ASB18: variants seen among roughly 807,000 people sequenced by gnomAD.
ASB18 encodes the protein ankyrin repeat and SOCS box containing 18.
In ASB18, 33 loss-of-function variants were observed where a neutral mutation model predicts 33.4. The ratio of observed to expected loss-of-function variants is 0.99; its 90% CI spans 0.75 to 1.32. The LOEUF (loss-of-function observed/expected upper bound fraction) is 1.32. Ranked by LOEUF, ASB18 falls within the 40% of genes most tolerant of loss-of-function variation. The pLI is 0.00. For missense variants in ASB18, 694 were observed against 655.5 expected, an observed-to-expected ratio of 1.06 and a Z score of -0.64; for synonymous variants, 295 against 307.6, an observed-to-expected ratio of 0.96 and a Z score of 0.43.
intron 3 of ASB18, among the ~76,000 whole-genome samples, chr2:236,233,422 G>A (rs543350732): frequency 6.6e-6 from 1 of 152,058 alleles, no homozygotes; most frequent in East Asian, 1.9e-4. Flanking sequence ...TTGCACTGGA[G>A]GTTCTAGCCA....
rs185099003 is a variant in ASB18 at position 236,244,379 on chromosome 2, C to T, written c.206-2977G>A. 2.5e-3 allele frequency among the ~76,000 whole-genome samples: 379 copies of T among 152,318 alleles called. 3 individuals carry two copies. The highest frequency in any genetic ancestry group is 8.7e-3 in the African/African-American group (363 of 41,568). On this transcript the variant is annotated intron_variant, in intron 1 of 5. Coordinates refer to ENST00000409749, the MANE Select transcript of ASB18 (RefSeq NM_212556.4). The surrounding 1 kb of genome is among the most constrained non-coding windows in gnomAD (Gnocchi z 6.1). ...GGGAGGCGGGCATAGCATAAGCCCC[C>T]ATTTGCTCACAGCCAGTGTTAGACC...
intron 4 of ASB18, among the ~76,000 whole-genome samples, chr2:236,201,687 A>ATT (rs67471309): frequency 7.0e-6 from 1 of 142,246 alleles, no homozygotes. Flanking sequence ...ACTGCACTTC[A>ATT]TTTTTTTTTT....
At chr2:236,242,685 C>T (rs979793177) in intron 1 of ASB18, among the ~76,000 whole-genome samples, 1 of 151,490 alleles carries the variant, frequency 6.6e-6, no homozygotes, top group African/African-American at 2.4e-5. Flanking sequence ...AGGCTGGTCT[C>T]AAACTCTTGA....
chr2:236,230,198 G>GA, intron 3 of ASB18, among the ~76,000 whole-genome samples: 1 of 151,580 alleles, frequency 6.6e-6, no homozygotes, highest in East Asian at 1.9e-4. Context: ...CTAAAGTGCA[G>GA]AAAAAATAAG....
chr2:236,241,432 A>C lies in ASB18; in HGVS notation c.206-30T>G. ...GACCAGGGCAGTGTGGTACTCCTGC[A>C]CCGGGGACCCTGCTCTAGCTTGAGG... On this transcript the variant is annotated intron_variant, in intron 1 of 5. Coordinates refer to ENST00000409749, the MANE Select transcript of ASB18 (RefSeq NM_212556.4). The surrounding 1 kb of genome is among the most constrained non-coding windows in gnomAD (Gnocchi z 4.2). 2 of 1,613,616 alleles carry C rather than the reference A, an allele frequency of 1.2e-6. No individual in the cohort carries two copies. The highest frequency in any genetic ancestry group is 8.5e-7 in the Non-Finnish European group (1 of 1,179,676).
chr2:236,235,670 G>A lies in ASB18; in HGVS notation c.596+2019C>T, dbSNP rs919300809. Among the ~76,000 whole-genome samples, 2 of 152,166 alleles carry A rather than the reference G, an allele frequency of 1.3e-5. No individual in the cohort carries two copies. Among genetic ancestry groups the A allele is most frequent in the African/African-American group, 4.8e-5 (2 of 41,430 alleles). ...GACATCGCTGGTGCGGATGTAAAAT[G>A]GTACAACTTTCAAAACTAGTTGGGC... On this transcript the variant is annotated intron_variant, in intron 3 of 5. Coordinates refer to ENST00000409749, the MANE Select transcript of ASB18 (RefSeq NM_212556.4). The surrounding 1 kb of genome is among the most constrained non-coding windows in gnomAD (Gnocchi z 6.2).
rs2060541584 is a variant in ASB18 at position 236,226,694 on chromosome 2, C to G, written c.596+10995G>C. ...TCTCTTCAGCAGTGTTGCAATGATT[C>G]ACAGCATTTTGTGTTTATTTTGTGC... On this transcript the variant is annotated intron_variant, in intron 3 of 5. Coordinates refer to ENST00000409749, the MANE Select transcript of ASB18 (RefSeq NM_212556.4). The surrounding 1 kb of genome is among the most constrained non-coding windows in gnomAD (Gnocchi z 4.8). 6.6e-6 allele frequency among the ~76,000 whole-genome samples: 1 copy of G among 152,204 alleles called. No homozygotes were observed. Among genetic ancestry groups the G allele is most frequent in the Non-Finnish European group, 1.5e-5 (1 of 68,024 alleles).
Position 236,225,954 on chromosome 2 carries a change from A to AGGTC in ASB18, c.597-11092_597-11089dup, listed in dbSNP as rs995918258. 6.6e-6 allele frequency among the ~76,000 whole-genome samples: 1 copy of AGGTC among 152,166 alleles called. No homozygotes were observed. The highest frequency in any genetic ancestry group is 1.5e-5 in the Non-Finnish European group (1 of 68,030). ...CAGAAAATGGAATGGCTCTGTATGTAGGTCAGCGACCCCCTCTCTACTGTG... is the reference window on the plus strand; with the variant it reads ...CAGAAAATGGAATGGCTCTGTATGTAGGTCGGTCAGCGACCCCCTCTCTACTGTG... On this transcript the variant is annotated intron_variant, in intron 3 of 5. Coordinates refer to ENST00000409749, the MANE Select transcript of ASB18 (RefSeq NM_212556.4). The surrounding 1 kb of genome is among the most constrained non-coding windows in gnomAD (Gnocchi z 5.1).
Position 236,239,684 on chromosome 2 carries a change from C to T in ASB18, c.328+1596G>A, listed in dbSNP as rs76920697. 1.8e-3 allele frequency among the ~76,000 whole-genome samples: 270 copies of T among 152,362 alleles called. 4 individuals are homozygous for T. In the East Asian group the frequency reaches 0.03, roughly 17 times the overall value. On this transcript the variant is annotated intron_variant, in intron 2 of 5. Coordinates refer to ENST00000409749, the MANE Select transcript of ASB18 (RefSeq NM_212556.4). This position sits in a 1 kb window ranked among gnomAD's most constrained non-coding sequence, Gnocchi z 5.6. ...CCAGCATTCTATCACGGAGGGGCAC[C>T]GAGGTGGTGGCCACTGGGGACCTGC...
Position 236,216,896 on chromosome 2 carries a change from C to T in ASB18, c.597-2030G>A, listed in dbSNP as rs1576399435. ...CCGCCTCTCCATGCTTCAATTCTGC[C>T]TGACCAGGTATGGTGCTGAGAGCAC... On this transcript the variant is annotated intron_variant, in intron 3 of 5. Transcript: ENST00000409749. This position sits in a 1 kb window ranked among gnomAD's most constrained non-coding sequence, Gnocchi z 6.1. Among the ~76,000 whole-genome samples, 1 of 152,116 alleles carries T rather than the reference C, an allele frequency of 6.6e-6. No homozygotes were observed. Among genetic ancestry groups the T allele is most frequent in the African/African-American group, 2.4e-5 (1 of 41,426 alleles).
chr2:236,200,347 TA>T lies in ASB18; in HGVS notation c.1102-3963del, dbSNP rs564312713. Reference sequence around the variant, plus strand: ...CTGGGCGACAGAGCAAGACTCCGTCTAAAAAAAAAAGAGATGGCGAGTTCGA... The same window carrying T: ...CTGGGCGACAGAGCAAGACTCCGTCTAAAAAAAAAGAGATGGCGAGTTCGA... On this transcript the variant is annotated intron_variant, in intron 4 of 5. Transcript: ENST00000409749. This position sits in a 1 kb window ranked among gnomAD's most constrained non-coding sequence, Gnocchi z 4.2. Among the ~76,000 whole-genome samples the T allele has an allele frequency of 3.8e-4, 57 of 148,776 alleles. No homozygotes were observed. Among genetic ancestry groups the T allele is most frequent in the African/African-American group, 1.0e-3 (41 of 40,660 alleles).
chr2:236,247,125 CTTT>C (rs3033949), intron 1 of ASB18, among the ~76,000 whole-genome samples: 141 of 133,680 alleles, frequency 1.1e-3, no homozygotes, highest in Middle Eastern at 3.9e-3. Flanking sequence ...GAAACAGACT[CTTT>C]TTTTTTTTTT....
intron 1 of ASB18, among the ~76,000 whole-genome samples, chr2:236,254,350 C>G (rs1001489587): frequency 6.6e-6 from 1 of 152,022 alleles, no homozygotes; most frequent in African/African-American, 2.4e-5. Flanking sequence ...GGAATCTGCT[C>G]TCTATTCTCA....
At chr2:236,246,059 G>T (rs1173522889) in intron 1 of ASB18, among the ~76,000 whole-genome samples, 2 of 152,098 alleles carry the variant, frequency 1.3e-5, no homozygotes, top group African/African-American at 4.8e-5. Context: ...ACCAGGTTTT[G>T]TAAGAAGACC....
intron 4 of ASB18, among the ~76,000 whole-genome samples, chr2:236,199,656 T>C (rs1334540631): frequency 6.6e-6 from 1 of 151,954 alleles, no homozygotes; most frequent in Admixed American, 6.6e-5. Context: ...GTATACATAA[T>C]ACAGTGCCAG....
intron 3 of ASB18, among the ~76,000 whole-genome samples, chr2:236,232,979 G>T (rs2060573450): frequency 6.6e-6 from 1 of 151,802 alleles, no homozygotes; most frequent in Non-Finnish European, 1.5e-5. Flanking sequence ...CCAGACAAAG[G>T]TATTACAAGA....
At position 236,214,989 on chromosome 2, in the gene ASB18, T is replaced by C. The variant is rs1168343736; in HGVS notation, c.597-123A>G. On this transcript the variant is annotated intron_variant, in intron 3 of 5. Coordinates refer to ENST00000409749, the MANE Select transcript of ASB18 (RefSeq NM_212556.4). This position sits in a 1 kb window ranked among gnomAD's most constrained non-coding sequence, Gnocchi z 6.5. ...TGAAAAGACATGCTCCGCTCTCCCA[T>C]ACCAAGGCGTCAGGAGTTCAAACTA... The C allele has an allele frequency of 1.2e-5, 7 of 597,094 alleles. 1 individual carries two copies. The highest frequency in any genetic ancestry group is 1.5e-5 in the Non-Finnish European group (7 of 453,034). The allele number at this position is 597,094 out of a possible 1,614,324, so 37.0% of individuals were successfully genotyped here.
At position 236,263,862 on chromosome 2, in the gene ASB18, C is replaced by G. The variant is rs1263669545; in HGVS notation, c.205+279G>C. Among the ~76,000 whole-genome samples, 1 of 152,136 alleles carries G rather than the reference C, an allele frequency of 6.6e-6. No individual in the cohort carries two copies. Among genetic ancestry groups the G allele is most frequent in the Non-Finnish European group, 1.5e-5 (1 of 68,020 alleles). On this transcript the variant is annotated intron_variant, in intron 1 of 5. Transcript: ENST00000409749. This position sits in a 1 kb window ranked among gnomAD's most constrained non-coding sequence, Gnocchi z 4.0. ...TATGGTTATCAGTGGGTGAAATTTA[C>G]ACACGCAAATGGACAGGCTTGGAAA...
At chr2:236,207,250 T>G (rs1305174993) in intron 4 of ASB18, among the ~76,000 whole-genome samples, 1 of 152,208 alleles carries the variant, frequency 6.6e-6, no homozygotes, top group Non-Finnish European at 1.5e-5. Context: ...TCTTTATGAA[T>G]CAACTCTGCC....
Sources: allele counts gnomAD v4.1 joint callset (sites outside exome capture counted in the v4.1 genomes callset), GRCh38; gene constraint gnomAD v4.1.1; non-coding constraint Gnocchi (gnomAD v3.1); transcripts MANE v1.5; gene names NCBI Gene and HGNC (gene_info 2026-07-23, HGNC 2026-07-21).